The following MAP1B variants were observed in gnomAD, a reference collection of about 807,000 sequenced individuals.
MAP1B encodes microtubule-associated protein 1B.
Under a neutral mutation model 176.1 loss-of-function variants are expected in MAP1B, and 12 were observed. The observed-to-expected ratio is 0.07, with a 90% confidence interval of 0.04 to 0.11. The LOEUF (loss-of-function observed/expected upper bound fraction) is 0.11. Ranked by LOEUF, MAP1B falls within the 10% of genes least tolerant of loss-of-function variation. The pLI is 1.00. For missense variants in MAP1B, 2,523 were observed against 2,990.5 expected, an observed-to-expected ratio of 0.84 and a Z score of 3.65; for synonymous variants, 1,044 against 1,135.0, an observed-to-expected ratio of 0.92 and a Z score of 1.61.
At position 72,124,444 on chromosome 5, in the gene MAP1B, C is replaced by T. The variant is rs367935916; in HGVS notation, c.286+8645C>T. On this transcript the variant is annotated intron_variant, in intron 2 of 6. Coordinates refer to ENST00000296755, the MANE Select transcript of MAP1B (RefSeq NM_005909.5). Reference sequence around the variant, plus strand: ...ATGCTTATAGAAAATGCAACAAGAGCGTCTACATGTGATTTAAAAATAAAA... The same window carrying T: ...ATGCTTATAGAAAATGCAACAAGAGTGTCTACATGTGATTTAAAAATAAAA... 6.8e-4 allele frequency among the ~76,000 whole-genome samples: 104 copies of T among 152,218 alleles called. 1 individual carries two copies. Among genetic ancestry groups the T allele is most frequent in the African/African-American group, 2.3e-3 (94 of 41,528 alleles).
intron 2 of MAP1B, among the ~76,000 whole-genome samples, chr5:72,180,777 C>T (rs538314055): frequency 6.6e-6 from 1 of 152,212 alleles, no homozygotes; most frequent in South Asian, 2.1e-4. Context: ...CTTTTTTTGG[C>T]CAATATTCTC....
Position 72,194,487 on chromosome 5 carries a change from A to G in MAP1B, c.1132A>G (p.Ile378Val). ...GCCAAACATCAAGATGAAGAGAAGC[A>G]TAGAAGAAGCCTGCTTCACTCTCCA... is the stretch of plus-strand genomic sequence containing the variant. Reference protein sequence around the residue: ...PEPNIKMKRSIEEACFTLQYL... With the variant: ...PEPNIKMKRSVEEACFTLQYL... Residue 378 changes from isoleucine to valine, a missense_variant, in exon 5 of 7, where the codon ATA (isoleucine) becomes GTA (valine). Around this residue, in one of 4 missense-constraint regions of MAP1B, gnomAD observed 1,925 missense variants for 2,126.0 expected, o/e 0.91. Transcript: ENST00000296755. The surrounding 1 kb of genome is among the most constrained non-coding windows in gnomAD (Gnocchi z 7.2). 1 of 1,614,150 alleles carries G rather than the reference A, an allele frequency of 6.2e-7. No individual in the cohort carries two copies. Among genetic ancestry groups the G allele is most frequent in the Admixed American group, 1.7e-5 (1 of 60,024 alleles).
At chr5:72,124,085 C>G (rs551269771) in intron 2 of MAP1B, among the ~76,000 whole-genome samples, 1 of 152,278 alleles carries the variant, frequency 6.6e-6, no homozygotes, top group South Asian at 2.1e-4. Context: ...GTCACAATGA[C>G]AAAGGTTACC....
intron 2 of MAP1B, among the ~76,000 whole-genome samples, chr5:72,152,887 G>C (rs1365869623): frequency 6.6e-6 from 1 of 152,096 alleles, no homozygotes; most frequent in Admixed American, 6.5e-5. Context: ...CTGCTCTCAT[G>C]CTCGCTGGGC....
intron 2 of MAP1B, among the ~76,000 whole-genome samples, chr5:72,153,863 C>A (rs967962750): frequency 6.6e-6 from 1 of 152,032 alleles, no homozygotes; most frequent in East Asian, 1.9e-4. Flanking sequence ...CAAAGACATT[C>A]CCCCCAAAGC....
Position 72,177,294 on chromosome 5 carries a change from C to T in MAP1B, c.287-6449C>T, listed in dbSNP as rs138969256. Among the ~76,000 whole-genome samples the T allele has an allele frequency of 3.8e-3, 582 of 152,310 alleles. 4 individuals are homozygous for T. Among genetic ancestry groups the T allele is most frequent in the African/African-American group, 0.013 (551 of 41,554 alleles). ...GATGGAGAGCCGCTCATTGTAGCTT[C>T]TCAGAGCATGGTTACTGGGTAAACT... On this transcript the variant is annotated intron_variant, in intron 2 of 6. Coordinates refer to ENST00000296755, the MANE Select transcript of MAP1B (RefSeq NM_005909.5).
Position 72,194,347 on chromosome 5 carries a change from T to G in MAP1B, c.992T>G (p.Leu331Arg). The G allele has an allele frequency of 1.9e-6, 3 of 1,614,154 alleles. No individual in the cohort carries two copies. Among genetic ancestry groups the G allele is most frequent in the Non-Finnish European group, 2.5e-6 (3 of 1,180,046 alleles). Residue 331 changes from leucine (L) to arginine (R), a missense_variant, in exon 5 of 7, where the codon CTC becomes CGC. This residue lies in a region of MAP1B where 307 missense variants were observed against 438.4 expected (regional missense o/e 0.70). Transcript: ENST00000296755. The surrounding 1 kb of genome is among the most constrained non-coding windows in gnomAD (Gnocchi z 7.2). ...ATGTTACAGCGGAAAATTGCAGAGC[T>G]CGAGGAAGAACAGTCCCAGGGCTCC... ...NSMLQRKIAE[L>R]EEEQSQGSTT...
At chr5:72,163,434 A>G (rs1746364503) in intron 2 of MAP1B, among the ~76,000 whole-genome samples, 1 of 152,154 alleles carries the variant, frequency 6.6e-6, no homozygotes. Flanking sequence ...ATGAGATTCC[A>G]TGCTTTTACC....
rs1746949501 is a variant in MAP1B at position 72,188,047 on chromosome 5, T to C, written c.510+1293T>C. 2.0e-5 allele frequency among the ~76,000 whole-genome samples: 3 copies of C among 152,154 alleles called. No individual in the cohort carries two copies. In the South Asian group the frequency reaches 6.2e-4, roughly 31 times the overall value. On this transcript the variant is annotated intron_variant, in intron 4 of 6. Transcript: ENST00000296755. ...AATGCAAGCTTTGGCTGTGTCTTCT[T>C]CCAAGGCCGCTAGAGTTCACGCATC...
At chr5:72,127,342 T>G (rs201803441) in intron 2 of MAP1B, among the ~76,000 whole-genome samples, 2 of 152,354 alleles carry the variant, frequency 1.3e-5, no homozygotes, top group East Asian at 3.9e-4. Flanking sequence ...TACATGCAGG[T>G]AATCATTATC....
intron 2 of MAP1B, among the ~76,000 whole-genome samples, chr5:72,146,057 C>T (rs989611549): frequency 2.6e-5 from 4 of 152,278 alleles, no homozygotes; most frequent in African/African-American, 9.6e-5. Flanking sequence ...AATTTACACT[C>T]TTTTTTTAAA....
At chr5:72,149,086 A>C (rs1226933266) in intron 2 of MAP1B, among the ~76,000 whole-genome samples, 1 of 152,192 alleles carries the variant, frequency 6.6e-6, no homozygotes, top group Admixed American at 6.5e-5. Context: ...ATCCACCAGC[A>C]CCTAGCACAA....
At chr5:72,108,854 C>T (rs1352545371) in intron 1 of MAP1B, among the ~76,000 whole-genome samples, 2 of 152,212 alleles carry the variant, frequency 1.3e-5, no homozygotes, top group Admixed American at 6.5e-5. Context: ...TTATCCCTGG[C>T]GTCCCGGCCC....
At chr5:72,130,609 CAATT>C (rs879808479) in intron 2 of MAP1B, among the ~76,000 whole-genome samples, 6 of 152,154 alleles carry the variant, frequency 3.9e-5, no homozygotes, top group Non-Finnish European at 7.3e-5. Context: ...CAAAAACTAT[CAATT>C]ACTTTTCAGA....
chr5:72,108,666 G>T (rs1288178527), intron 1 of MAP1B, among the ~76,000 whole-genome samples: 2 of 151,948 alleles, frequency 1.3e-5, no homozygotes, highest in Non-Finnish European at 2.9e-5. Context: ...AGTGCCTCCG[G>T]ACCGCCCGCC....
At chr5:72,152,867 G>A (rs1293971692) in intron 2 of MAP1B, among the ~76,000 whole-genome samples, 1 of 152,208 alleles carries the variant, frequency 6.6e-6, no homozygotes, top group Non-Finnish European at 1.5e-5. Context: ...GCTGCAGCGT[G>A]GGCCCCAGGC....
chr5:72,168,100 C>T (rs2112189837), intron 2 of MAP1B, among the ~76,000 whole-genome samples: 1 of 152,370 alleles, frequency 6.6e-6, no homozygotes, highest in African/African-American at 2.4e-5. Flanking sequence ...CTCAGGCTTG[C>T]TCACCTCCTG....
chr5:72,145,438 C>A (rs2112159219), intron 2 of MAP1B, among the ~76,000 whole-genome samples: 1 of 151,186 alleles, frequency 6.6e-6, no homozygotes, highest in East Asian at 1.9e-4. Flanking sequence ...TGAATGAGTT[C>A]TTTTTCTCTC....
intron 2 of MAP1B, among the ~76,000 whole-genome samples, chr5:72,158,419 C>A (rs183305638): frequency 6.6e-6 from 1 of 152,080 alleles, no homozygotes; most frequent in African/African-American, 2.4e-5. Context: ...TCACTTCATA[C>A]AACGATTTAG....
Sources: allele counts gnomAD v4.1 joint callset (sites outside exome capture counted in the v4.1 genomes callset), GRCh38; gene constraint gnomAD v4.1.1; regional missense constraint gnomAD v4.1.1; non-coding constraint Gnocchi (gnomAD v3.1); transcripts MANE v1.5; gene names NCBI Gene and HGNC (gene_info 2026-07-23, HGNC 2026-07-21).